PLCB4: variants seen among roughly 807,000 people sequenced by gnomAD.
PLCB4 encodes 1-phosphatidylinositol 4,5-bisphosphate phosphodiesterase beta-4.
PLCB4 carries 77 observed loss-of-function variants against 178.8 expected under a neutral mutation model. The ratio of observed to expected loss-of-function variants is 0.43; its 90% CI spans 0.36 to 0.52. The LOEUF (loss-of-function observed/expected upper bound fraction) is 0.52, where lower values mean the gene tolerates loss of function less well. Ranked by LOEUF, PLCB4 falls within the 20% of genes least tolerant of loss-of-function variation. The pLI is 0.00. For missense variants in PLCB4, 1,024 were observed against 1,453.4 expected (o/e 0.70, Z 4.80); for synonymous variants, 496 against 490.8 (o/e 1.01, Z -0.14).
chr20:9,344,531 G>A (rs1432121200), intron 7 of PLCB4, among the ~76,000 whole-genome samples: 1 of 152,164 alleles, frequency 6.6e-6, no homozygotes, highest in African/African-American at 2.4e-5. Context: ...AGGTATTTAT[G>A]TTGACTAAAT....
At chr20:9,145,401 G>A (rs2146896478) in intron 2 of PLCB4, among the ~76,000 whole-genome samples, 1 of 151,876 alleles carries the variant, frequency 6.6e-6, no homozygotes, top group South Asian at 2.1e-4. Context: ...TTTTATTCTG[G>A]GTGTGTTTTA....
chr20:9,448,196 C>T (rs749228575), intron 32 of PLCB4, among the ~76,000 whole-genome samples: 15 of 152,180 alleles, frequency 9.9e-5, no homozygotes, highest in Non-Finnish European at 1.8e-4. Flanking sequence ...TATCAAGCCT[C>T]CTTAAAGAAA....
intron 28 of PLCB4, among the ~76,000 whole-genome samples, chr20:9,434,369 T>C (rs574160045): frequency 6.6e-6 from 1 of 152,284 alleles, no homozygotes; most frequent in Admixed American, 6.5e-5. Flanking sequence ...TATTTTATTT[T>C]ATTTGTTTAT....
At chr20:9,159,934 A>G (rs2092857694) in intron 2 of PLCB4, among the ~76,000 whole-genome samples, 1 of 152,218 alleles carries the variant, frequency 6.6e-6, no homozygotes, top group African/African-American at 2.4e-5. Flanking sequence ...CGTGAACTTC[A>G]GAAGGCTTCT....
At chr20:9,408,609 T>C in intron 22 of PLCB4, 24 bp from the exon 23 acceptor site, 1 of 1,196,290 alleles carries the variant, frequency 8.4e-7, no homozygotes, top group Non-Finnish European at 1.2e-6. Flanking sequence ...AGTTCCTGAA[T>C]CCATCTTTGC....
intron 2 of PLCB4, among the ~76,000 whole-genome samples, chr20:9,141,934 G>A (rs2092501082): frequency 6.6e-6 from 1 of 152,026 alleles, no homozygotes; most frequent in Non-Finnish European, 1.5e-5. Context: ...AGAAGGAGCA[G>A]GAATGCCCTT....
At chr20:9,161,634 G>T (rs145930474) in intron 2 of PLCB4, among the ~76,000 whole-genome samples, 3,000 of 152,312 alleles carry the variant, frequency 0.02, 96 homozygotes, top group African/African-American at 0.067. Context: ...TTGACTCGAA[G>T]AGACAAAAGT....
chr20:9,451,885 C>T (rs1254292429), intron 32 of PLCB4, among the ~76,000 whole-genome samples: 2 of 152,214 alleles, frequency 1.3e-5, no homozygotes. Context: ...CACTGAAAAA[C>T]CCATGTCCTT....
At chr20:9,394,745 T>C (rs1435787332) in intron 18 of PLCB4, among the ~76,000 whole-genome samples, 3 of 152,158 alleles carry the variant, frequency 2.0e-5, no homozygotes, top group African/African-American at 7.2e-5. Context: ...CCAAAACGTA[T>C]ATATATTTTA....
chr20:9,405,239 A>T (rs1568751986), intron 20 of PLCB4, 74 bp from the exon 21 acceptor site: 1 of 714,144 alleles, frequency 1.4e-6, no homozygotes, highest in Non-Finnish European at 2.4e-6. Context: ...TTAAATATCT[A>T]TGTATGTATG....
At position 9,373,062 on chromosome 20, in the gene PLCB4, T is replaced by G; in HGVS notation, c.702T>G (p.Thr234=). ...TTCTTTTCAGCAATGGAGACAAAAC[T>G]GATTATTTAACGGTAGACCAATTAG... is the stretch of plus-strand genomic sequence containing the variant. ...DLFKKINGDK[T]DYLTVDQLVS... Residue 234 remains threonine (T), a synonymous_variant, in exon 12 of 40, where the codon ACT becomes ACG. Transcript: ENST00000378473. 1 of 1,523,750 alleles carries G rather than the reference T, an allele frequency of 6.6e-7. No homozygotes were observed. Among genetic ancestry groups the G allele is most frequent in the Non-Finnish European group, 9.1e-7 (1 of 1,099,670 alleles). The allele number at this position is 1,523,750 out of a possible 1,614,324, so 94.4% of individuals were successfully genotyped here.
intron 1 of PLCB4, among the ~76,000 whole-genome samples, chr20:9,091,723 G>C (rs2090687621): frequency 6.6e-6 from 1 of 151,232 alleles, no homozygotes; most frequent in Non-Finnish European, 1.5e-5. Flanking sequence ...ATAGCTACCT[G>C]TTAGTTGTAG....
At chr20:9,352,559 GCT>G (rs1182382937) in intron 7 of PLCB4, among the ~76,000 whole-genome samples, 1 of 152,166 alleles carries the variant, frequency 6.6e-6, no homozygotes, top group Non-Finnish European at 1.5e-5. Flanking sequence ...CTATTTAGAG[GCT>G]CTTTTTGACC....
chr20:9,243,574 C>T (rs898032643), intron 3 of PLCB4, among the ~76,000 whole-genome samples: 5 of 152,194 alleles, frequency 3.3e-5, no homozygotes, highest in Admixed American at 2.6e-4. Flanking sequence ...CTCTTGATGA[C>T]TTCTCTGTTT....
In PLCB4 at chr20:9,369,529, C is replaced by T. The variant is rs78208062; in HGVS notation, c.504-1685C>T. On this transcript the variant is annotated intron_variant, in intron 9 of 39. Transcript: ENST00000378473. ...AGGAATCTTAACCATTTATTGATGTCACACACATATTCTCTCCCATATTTG... is the reference window on the plus strand; with the variant it reads ...AGGAATCTTAACCATTTATTGATGTTACACACATATTCTCTCCCATATTTG... Among the ~76,000 whole-genome samples the T allele has an allele frequency of 4.3e-3, 662 of 152,254 alleles. 22 individuals carry two copies. The East Asian group carries it at 0.1, about 24-fold the overall frequency.
intron 2 of PLCB4, among the ~76,000 whole-genome samples, chr20:9,169,827 T>C (rs958756716): frequency 6.6e-6 from 1 of 152,150 alleles, no homozygotes; most frequent in East Asian, 1.9e-4. Context: ...CCTCCTAGAT[T>C]CTACCATGAA....
intron 19 of PLCB4, among the ~76,000 whole-genome samples, chr20:9,396,174 A>G (rs2148441170): frequency 6.6e-6 from 1 of 152,322 alleles, no homozygotes; most frequent in African/African-American, 2.4e-5. Context: ...AGAAATTCTT[A>G]GCCAGAGAAT....
At chr20:9,163,469 G>A (rs2092921260) in intron 2 of PLCB4, among the ~76,000 whole-genome samples, 1 of 152,044 alleles carries the variant, frequency 6.6e-6, no homozygotes, top group Non-Finnish European at 1.5e-5. Flanking sequence ...AGCCCTAGGC[G>A]GGTTCCTGGA....
chr20:9,262,840 T>G (rs1249678316), intron 3 of PLCB4, among the ~76,000 whole-genome samples: 1 of 152,154 alleles, frequency 6.6e-6, no homozygotes, highest in African/African-American at 2.4e-5. Context: ...CAAGCTGCTT[T>G]AAGTGAGAAA....
Sources: gnomAD v4.1 joint callset for allele counts (sites outside exome capture counted in the v4.1 genomes callset) on GRCh38, gnomAD v4.1.1 for gene constraint, MANE v1.5 for transcripts, NCBI Gene and HGNC (gene_info 2026-07-23, HGNC 2026-07-21) for gene names.